The following NLRC5 variants were observed in gnomAD, a reference collection of about 807,000 sequenced individuals.
NLRC5 encodes the protein NLR family CARD domain containing 5, also known as protein NLRC5.
In NLRC5, 114 loss-of-function variants were observed where a neutral mutation model predicts 206.9. The ratio of observed to expected loss-of-function variants is 0.55; its 90% CI spans 0.47 to 0.64. The LOEUF is 0.64. Ranked by LOEUF, NLRC5 falls within the 30% of genes least tolerant of loss-of-function variation. The probability of loss-of-function intolerance (pLI) is 0.00; values close to 1 mark genes in which losing one functional copy is unlikely to be tolerated. For missense variants in NLRC5, 2,008 were observed against 2,305.5 expected, an observed-to-expected ratio of 0.87 and a Z score of 2.64; for synonymous variants, 952 against 962.8, an observed-to-expected ratio of 0.99 and a Z score of 0.21.
chr16:57,061,626 A>G lies in NLRC5; in HGVS notation c.4079A>G (p.Gln1360Arg), dbSNP rs767053081. Residue 1360 changes from glutamine to arginine, a missense_variant, in exon 32 of 49, where the codon CAG becomes CGG. Gln to Arg is a conservative substitution (Grantham distance 43). Transcript: ENST00000688547. ...SLQLTELTLT[Q>R]CCLGQKQLAI... Reference sequence around the variant, plus strand: ...CTGACCTCTGTCTCCAGGCTGACCCAGTGCTGCCTGGGCCAGAAGCAGCTG... The same window carrying G: ...CTGACCTCTGTCTCCAGGCTGACCCGGTGCTGCCTGGGCCAGAAGCAGCTG... 6.2e-7 allele frequency: 1 copy of G among 1,610,396 alleles called. No homozygotes were observed.
chr16:57,056,896 C>T (rs1258404526), intron 27 of NLRC5, among the ~76,000 whole-genome samples: 1 of 151,882 alleles, frequency 6.6e-6, no homozygotes, highest in African/African-American at 2.4e-5. Flanking sequence ...TGACCTCAGG[C>T]GATCCGCCTG....
intron 23 of NLRC5, among the ~76,000 whole-genome samples, chr16:57,050,531 AAGGAGAACAT>A (rs148314553): frequency 0.018 from 2,696 of 152,318 alleles, 161 homozygotes; most frequent in Admixed American, 0.11. Context: ...GAGAAGGCAG[AAGGAGAACAT>A]AGTAGAGGTC....
At chr16:57,050,440 G>A (rs2064724101) in intron 23 of NLRC5, among the ~76,000 whole-genome samples, 2 of 152,272 alleles carry the variant, frequency 1.3e-5, no homozygotes, top group Admixed American at 1.3e-4. Context: ...GCAGAGATGG[G>A]CCAGGCCCTT....
intron 34 of NLRC5, among the ~76,000 whole-genome samples, chr16:57,066,983 C>T (rs996442950): frequency 7.0e-6 from 1 of 142,262 alleles, no homozygotes; most frequent in Non-Finnish European, 1.5e-5. Flanking sequence ...GCCCCCTGGA[C>T]CCCAAGGCTT....
rs1248628988 is a variant in NLRC5 at position 57,055,035 on chromosome 16, C to T, written c.3600C>T (p.Ser1200=). 1 of 1,614,210 alleles carries T rather than the reference C, an allele frequency of 6.2e-7. No individual in the cohort carries two copies. The highest frequency in any genetic ancestry group is 8.5e-7 in the Non-Finnish European group (1 of 1,180,040). Residue 1200 remains serine (S), a synonymous_variant, in exon 26 of 49, where the codon TCC becomes TCT. Transcript: ENST00000688547. The part of the protein sequence containing the change: ...CPRVKKVDLR[S]LHHATLHFRS... ...ACCCAGGTCCTGTCTGATCCAGGTC[C>T]CTGCACCATGCAACTTTGCACTTCA...
chr16:57,069,790 C>G, intron 36 of NLRC5, 46 bp from the exon 37 acceptor site: 1 of 1,523,528 alleles, frequency 6.6e-7, no homozygotes, highest in Non-Finnish European at 8.9e-7. Flanking sequence ...GCTCCCAAGA[C>G]CCAGGGCGGC....
At chr16:57,030,438 A>AGATGGATGGATGGGTGGATGGATG (rs765082342) in intron 10 of NLRC5, among the ~76,000 whole-genome samples, 1 of 89,542 alleles carries the variant, frequency 1.1e-5, no homozygotes, top group Non-Finnish European at 2.3e-5. Context: ...GTGGATGAAA[A>AGATGGATGGATGGGTGGATGGATG]GATGGATGGA....
chr16:57,076,792 C>T (rs759916321), intron 39 of NLRC5, 27 bp from the exon 40 acceptor site: 41 of 1,610,618 alleles, frequency 2.5e-5, no homozygotes, highest in Non-Finnish European at 3.3e-5. Context: ...TCCTGAAAGC[C>T]TCTTGGTCTA....
At chr16:57,055,722 G>A (rs1401983059) in intron 27 of NLRC5, among the ~76,000 whole-genome samples, 2 of 152,190 alleles carry the variant, frequency 1.3e-5, no homozygotes, top group East Asian at 1.9e-4. Flanking sequence ...TCTCGCCATG[G>A]TGGAGCTAGT....
chr16:57,051,485 C>T, intron 23 of NLRC5, 53 bp from the exon 24 acceptor site: 1 of 1,372,718 alleles, frequency 7.3e-7, no homozygotes, highest in Non-Finnish European at 1.0e-6. Flanking sequence ...AGGCCGTGCT[C>T]CCTGCTTTCC....
intron 1 of NLRC5, among the ~76,000 whole-genome samples, chr16:56,995,089 G>A (rs375326230): frequency 1.1e-4 from 16 of 152,148 alleles, no homozygotes; most frequent in Admixed American, 5.2e-4. Flanking sequence ...CAGGAGAATC[G>A]CTTGAACCTG....
chr16:57,038,066 A>G (rs1392273801), intron 15 of NLRC5, among the ~76,000 whole-genome samples: 1 of 152,146 alleles, frequency 6.6e-6, no homozygotes. Context: ...GTGCAAACAC[A>G]TTTAGCTGTA....
intron 11 of NLRC5, 150 bp downstream of exon 11, chr16:57,031,613 T>G (rs541589316): frequency 1.4e-6 from 1 of 739,030 alleles, no homozygotes. Flanking sequence ...AATTACTGCT[T>G]AGGTTGGCAA....
chr16:57,026,938 C>T lies in NLRC5; in HGVS notation c.1995C>T (p.Ile665=). Residue 665 remains isoleucine (I), a synonymous_variant, in exon 6 of 49, where the codon ATC becomes ATT. Coordinates refer to ENST00000688547, the MANE Select transcript of NLRC5 (RefSeq NM_001384950.1). ...TCCTAGAGCACAGGGAGGCCCCCAT[C>T]CACCTGGATTTTGATGGCTGTCCCC... The part of the protein sequence containing the change: ...TNILEHREAP[I]HLDFDGCPLE... The T allele has an allele frequency of 6.2e-7, 1 of 1,614,178 alleles. No homozygotes were observed. The highest frequency in any genetic ancestry group is 8.5e-7 in the Non-Finnish European group (1 of 1,180,036).
At chr16:57,045,384 T>C in intron 20 of NLRC5, 64 bp from the exon 21 acceptor site, 1 of 1,576,898 alleles carries the variant, frequency 6.3e-7, no homozygotes, top group Non-Finnish European at 8.7e-7. Flanking sequence ...GTCTGGGTTC[T>C]TGCCACTGCC....
At chr16:57,006,466 TG>T (rs2058929968) in intron 1 of NLRC5, among the ~76,000 whole-genome samples, 2 of 126,396 alleles carry the variant, frequency 1.6e-5, no homozygotes, top group Admixed American at 2.0e-4. Context: ...TCGCCCAGGC[TG>T]GGGTGCAGTG....
intron 3 of NLRC5, among the ~76,000 whole-genome samples, chr16:57,021,845 C>G (rs2060707851): frequency 6.6e-6 from 1 of 152,192 alleles, no homozygotes; most frequent in Non-Finnish European, 1.5e-5. Flanking sequence ...AAAATGGGAA[C>G]TCACTTAAGA....
chr16:57,027,762 G>A (rs761585625), intron 6 of NLRC5, among the ~76,000 whole-genome samples: 8 of 152,210 alleles, frequency 5.3e-5, no homozygotes, highest in Non-Finnish European at 7.3e-5. Context: ...ATGCATTAAA[G>A]TTCAGTCCTG....
At chr16:57,080,797 G>A (rs2069041594) in intron 46 of NLRC5, 2 of 316,814 alleles carry the variant, frequency 6.3e-6, no homozygotes, top group East Asian at 6.1e-5. Context: ...AGAAAAAAGA[G>A]GGGGCCAATT....
Sources: gnomAD v4.1 joint callset for allele counts (sites outside exome capture counted in the v4.1 genomes callset) on GRCh38, gnomAD v4.1.1 for gene constraint, MANE v1.5 for transcripts, NCBI Gene and HGNC (gene_info 2026-07-23, HGNC 2026-07-21) for gene names.